The following FAM227B variants were observed in gnomAD, a reference collection of about 807,000 sequenced individuals.
FAM227B encodes family with sequence similarity 227 member B.
A neutral mutation model predicts 73.8 loss-of-function variants in FAM227B; 88 were observed. That is an observed-to-expected ratio of 1.19 (90% CI 1.00 to 1.42). FAM227B has a LOEUF of 1.42. FAM227B is among the 40% of genes most tolerant of loss of function. The probability of loss-of-function intolerance (pLI) is 0.00; values close to 1 mark genes in which losing one functional copy is unlikely to be tolerated. For missense variants in FAM227B, 632 were observed against 590.9 expected, an observed-to-expected ratio of 1.07 and a Z score of -0.72; for synonymous variants, 210 against 190.5, an observed-to-expected ratio of 1.10 and a Z score of -0.84.
chr15:49,347,838 G>T (rs1409699201), intron 13 of FAM227B, among the ~76,000 whole-genome samples: 1 of 152,002 alleles, frequency 6.6e-6, no homozygotes, highest in Non-Finnish European at 1.5e-5. Context: ...GGCCAACATG[G>T]TGAAACCCCG....
In FAM227B at chr15:49,620,708, C is replaced by G. The variant is rs1016612079; in HGVS notation, c.-81G>C. 3 of 152,230 alleles carry G rather than the reference C, an allele frequency of 2.0e-5. No individual in the cohort carries two copies. The highest frequency in any genetic ancestry group is 4.4e-5 in the Non-Finnish European group (3 of 68,030). 9.4% of individuals were successfully genotyped at this position (152,230 alleles called of 1,614,324 possible). ...ATTTCTTCACAACTCACTGCAACTA[C>G]GCCTTGACAGTATGTTTCGAGAACC... is the stretch of plus-strand genomic sequence containing the variant. On this transcript the variant is annotated 5_prime_UTR_variant, in exon 1 of 16. Transcript: ENST00000299338.
At chr15:49,454,785 A>AT (rs1200399564) in intron 11 of FAM227B, among the ~76,000 whole-genome samples, 1 of 151,912 alleles carries the variant, frequency 6.6e-6, no homozygotes, top group Non-Finnish European at 1.5e-5. Context: ...AAATTTTTGT[A>AT]TTTTTAGTAG....
At chr15:49,329,057 C>G (rs1305728061) in intron 15 of FAM227B, 2 of 998,222 alleles carry the variant, frequency 2.0e-6, no homozygotes, top group East Asian at 2.0e-4. Flanking sequence ...CTCTCTAATC[C>G]AAGAGGCACT....
Position 49,514,891 on chromosome 15 carries a change from T to C in FAM227B, c.875-6543A>G, listed in dbSNP as rs185974345. On this transcript the variant is annotated intron_variant, in intron 10 of 15. Transcript: ENST00000299338. ...TCCAAAAGTTTTATAGTTTTAAGTT[T>C]TACACTTAGGGCTATAATCCATTTC... Among the ~76,000 whole-genome samples the C allele has an allele frequency of 3.9e-5, 6 of 152,266 alleles. No homozygotes were observed. The East Asian group carries it at 1.2e-3, about 29-fold the overall frequency.
At chr15:49,354,899 G>T (rs980576843) in intron 13 of FAM227B, among the ~76,000 whole-genome samples, 4 of 151,934 alleles carry the variant, frequency 2.6e-5, no homozygotes, top group African/African-American at 7.3e-5. Context: ...ATCTGAGAAC[G>T]GGCAGACTGC....
chr15:49,534,129 A>G (rs976461576), intron 10 of FAM227B, among the ~76,000 whole-genome samples: 2 of 151,884 alleles, frequency 1.3e-5, no homozygotes, highest in South Asian at 2.1e-4. Context: ...ACTCACAGGA[A>G]GTAATCATTT....
At chr15:49,335,048 T>C (rs2039462970) in intron 14 of FAM227B, among the ~76,000 whole-genome samples, 1 of 152,190 alleles carries the variant, frequency 6.6e-6, no homozygotes, top group African/African-American at 2.4e-5. Flanking sequence ...CCAGCCCAGC[T>C]GCCACCCCAG....
chr15:49,574,962 A>G, intron 8 of FAM227B, 49 bp downstream of exon 8: 1 of 1,207,156 alleles, frequency 8.3e-7, no homozygotes, highest in East Asian at 2.4e-5. Context: ...TGAAAAATTA[A>G]TTATGCCAAA....
chr15:49,559,870 G>C (rs2074099178), intron 9 of FAM227B, among the ~76,000 whole-genome samples: 1 of 152,084 alleles, frequency 6.6e-6, no homozygotes, highest in Middle Eastern at 3.4e-3. Context: ...GAAAGGTGGA[G>C]ACTGCAGTTG....
At position 49,471,534 on chromosome 15, in the gene FAM227B, T is replaced by A. The variant is rs971866467; in HGVS notation, c.1012+36677A>T. ...AATAATAATAATAATAATAATAATA[T>A]GGCAAATGTAATGAATTTATATACA... On this transcript the variant is annotated intron_variant, in intron 11 of 15. Transcript: ENST00000299338. Among the ~76,000 whole-genome samples, 9 of 139,860 alleles carry A rather than the reference T, an allele frequency of 6.4e-5. No homozygotes were observed. The East Asian group carries it at 9.0e-4, about 14-fold the overall frequency. 91.8% of individuals were successfully genotyped at this position (139,860 alleles called of 152,430 possible). A position where few individuals can be genotyped will look rare whatever the true frequency, so the allele number is the denominator to read the frequency against.
rs777124230 is a variant in FAM227B at position 49,361,064 on chromosome 15, C to T, written c.1271+6384G>A. On this transcript the variant is annotated intron_variant, in intron 13 of 15. Transcript: ENST00000299338. ...GTTTTGGTTAAAGAGGACAAAGTTT[C>T]AGTTAGGAGGGATAAATGATAAGTA... 2.1e-4 allele frequency among the ~76,000 whole-genome samples: 32 copies of T among 152,042 alleles called. 1 individual carries two copies. Among genetic ancestry groups the T allele is most frequent in the Non-Finnish European group, 4.4e-4 (30 of 68,008 alleles).
intron 9 of FAM227B, among the ~76,000 whole-genome samples, chr15:49,557,079 G>A (rs1157331503): frequency 6.6e-6 from 1 of 152,076 alleles, no homozygotes; most frequent in Non-Finnish European, 1.5e-5. Flanking sequence ...CTCCATCCCA[G>A]TATGTGTGTT....
intron 11 of FAM227B, among the ~76,000 whole-genome samples, chr15:49,492,944 T>C (rs2152063738): frequency 6.6e-6 from 1 of 152,042 alleles, no homozygotes; most frequent in East Asian, 1.9e-4. Flanking sequence ...CTCATTCAAT[T>C]AACTAAACTT....
At chr15:49,560,882 C>G (rs2074197964) in intron 9 of FAM227B, among the ~76,000 whole-genome samples, 1 of 151,994 alleles carries the variant, frequency 6.6e-6, no homozygotes, top group South Asian at 2.1e-4. Flanking sequence ...TAAGGGAGTT[C>G]TAAATGTAGA....
At chr15:49,407,673 A>G (rs1050169393) in intron 11 of FAM227B, among the ~76,000 whole-genome samples, 3 of 148,246 alleles carry the variant, frequency 2.0e-5, no homozygotes, top group African/African-American at 7.3e-5. Context: ...AATTATATAT[A>G]GTACTAATAT....
chr15:49,482,866 TTAATTC>T (rs986984346), intron 11 of FAM227B, among the ~76,000 whole-genome samples: 7 of 152,022 alleles, frequency 4.6e-5, no homozygotes, highest in Non-Finnish European at 8.8e-5. Flanking sequence ...AATTAGAAAT[TTAATTC>T]TAGAGAATAA....
chr15:49,578,186 C>T (rs1455382902), intron 5 of FAM227B, among the ~76,000 whole-genome samples: 2 of 152,164 alleles, frequency 1.3e-5, no homozygotes, highest in Non-Finnish European at 2.9e-5. Context: ...AGCCTTTCTG[C>T]TCCAACTTGA....
intron 11 of FAM227B, among the ~76,000 whole-genome samples, chr15:49,394,778 G>A (rs891102769): frequency 1.3e-5 from 2 of 152,122 alleles, no homozygotes; most frequent in African/African-American, 4.8e-5. Context: ...CAGTAGGAAG[G>A]TAATAAAGTC....
At chr15:49,432,491 C>T (rs1040462781) in intron 11 of FAM227B, among the ~76,000 whole-genome samples, 2 of 151,640 alleles carry the variant, frequency 1.3e-5, no homozygotes, top group African/African-American at 4.8e-5. Context: ...GACAACATAA[C>T]ACTCCTCCTC....
Sources: gnomAD v4.1 joint callset for allele counts (sites outside exome capture counted in the v4.1 genomes callset) on GRCh38, gnomAD v4.1.1 for gene constraint, MANE v1.5 for transcripts, NCBI Gene and HGNC (gene_info 2026-07-23, HGNC 2026-07-21) for gene names.